DEPDC5: variants seen among roughly 807,000 people sequenced by gnomAD.
The protein encoded by DEPDC5 is GATOR1 complex protein DEPDC5.
Under a neutral mutation model 217.3 loss-of-function variants are expected in DEPDC5, and 73 were observed. The observed-to-expected ratio is 0.34, with a 90% CI of 0.28 to 0.41. The LOEUF (loss-of-function observed/expected upper bound fraction) is 0.41. Ranked by LOEUF, DEPDC5 falls within the 10% of genes least tolerant of loss-of-function variation. DEPDC5 has a pLI of 1.00. For synonymous variants in DEPDC5, 733 were observed against 756.7 expected, an observed-to-expected ratio of 0.97 and a Z score of 0.51; for missense variants, 1,675 against 2,070.1, an observed-to-expected ratio of 0.81 and a Z score of 3.70.
Position 31,806,182 on chromosome 22 carries a change from A to G in DEPDC5, c.1278A>G (p.Ala426=), listed in dbSNP as rs376799291. The change falls in exon 18 of 43, where the codon GCA becomes GCG. Residue 426 remains alanine (A), a synonymous_variant. Coordinates refer to ENST00000651528, the MANE Select transcript of DEPDC5 (RefSeq NM_001242896.3). ...GTTTCACCCCACGAATAAAACTGGC[A>G]GGAAAGAAGGTAGGTTTTTATTTTT... ...CNSFTPRIKL[A]GKKPASEKAK... is the part of the protein sequence containing the mutation. The G allele has an allele frequency of 8.7e-5, 140 of 1,613,854 alleles. No homozygotes were observed. Among genetic ancestry groups the G allele is most frequent in the Non-Finnish European group, 1.2e-4 (137 of 1,179,890 alleles).
At chr22:31,885,330 G>A (rs113533617) in intron 38 of DEPDC5, among the ~76,000 whole-genome samples, 26 of 152,302 alleles carry the variant, frequency 1.7e-4, no homozygotes, top group African/African-American at 6.0e-4. Flanking sequence ...TGAACACGCC[G>A]TGCACATCTC....
intron 14 of DEPDC5, among the ~76,000 whole-genome samples, chr22:31,801,051 C>T (rs910545643): frequency 1.5e-4 from 23 of 150,432 alleles, no homozygotes; most frequent in Non-Finnish European, 2.5e-4. Flanking sequence ...CCAGCACTTT[C>T]GGAGGCTTAG....
chr22:31,807,645 T>G (rs951260493), intron 18 of DEPDC5, among the ~76,000 whole-genome samples: 8 of 152,138 alleles, frequency 5.3e-5, no homozygotes, highest in African/African-American at 1.9e-4. Flanking sequence ...TTGGCCAGGG[T>G]TGTCTCAAAC....
intron 39 of DEPDC5, 60 bp downstream of exon 39, chr22:31,893,811 G>A: frequency 1.4e-6 from 2 of 1,426,714 alleles, no homozygotes; most frequent in Non-Finnish European, 9.2e-7. Flanking sequence ...GCATGGAGAT[G>A]CTTGATAGAG....
chr22:31,814,359 C>T (rs1033957481), intron 20 of DEPDC5: 1 of 152,372 alleles, frequency 6.6e-6, no homozygotes, highest in Non-Finnish European at 1.5e-5. Context: ...TCCCTAAATG[C>T]CCTCTAATAG....
At chr22:31,778,501 A>C (rs1229517090) in intron 8 of DEPDC5, among the ~76,000 whole-genome samples, 2 of 152,168 alleles carry the variant, frequency 1.3e-5, no homozygotes, top group Non-Finnish European at 2.9e-5. Context: ...AAACAAACAA[A>C]AAACACAAAC....
intron 33 of DEPDC5, among the ~76,000 whole-genome samples, chr22:31,864,721 C>T (rs1370065524): frequency 1.3e-5 from 2 of 151,456 alleles, no homozygotes; most frequent in African/African-American, 4.9e-5. Flanking sequence ...TGGAGTCTTG[C>T]TCTGTTGCCC....
chr22:31,828,267 A>G (rs1002479774), intron 24 of DEPDC5, among the ~76,000 whole-genome samples: 1 of 152,124 alleles, frequency 6.6e-6, no homozygotes, highest in African/African-American at 2.4e-5. Context: ...CCTGACCAAC[A>G]TGGAGAAACC....
chr22:31,816,261 T>G (rs2089102846), intron 21 of DEPDC5: 1 of 149,470 alleles, frequency 6.7e-6, no homozygotes, highest in African/African-American at 2.5e-5. Context: ...ATTCCACCAC[T>G]GCACTCCAGC....
chr22:31,852,516 T>C (rs766485127), intron 31 of DEPDC5, among the ~76,000 whole-genome samples: 4 of 152,116 alleles, frequency 2.6e-5, no homozygotes, highest in Non-Finnish European at 5.9e-5. Flanking sequence ...ATTTTGTATC[T>C]TTAGTAGAGA....
intron 41 of DEPDC5, among the ~76,000 whole-genome samples, chr22:31,904,290 C>G (rs964394054): frequency 1.3e-5 from 2 of 152,218 alleles, no homozygotes; most frequent in African/African-American, 4.8e-5. Flanking sequence ...TTGCATTCTC[C>G]CTGAGTGGAC....
At chr22:31,802,040 TTAAAA>T (rs2086914991) in intron 14 of DEPDC5, among the ~76,000 whole-genome samples, 1 of 147,838 alleles carries the variant, frequency 6.8e-6, no homozygotes, top group South Asian at 2.1e-4. Context: ...ATATATAATA[TTAAAA>T]TAATATATAA....
intron 23 of DEPDC5, 54 bp downstream of exon 23, chr22:31,821,691 C>A: frequency 6.3e-7 from 1 of 1,592,930 alleles, no homozygotes; most frequent in South Asian, 1.1e-5. Flanking sequence ...CTCCAGCACC[C>A]AGGACAATGT....
intron 7 of DEPDC5, among the ~76,000 whole-genome samples, chr22:31,773,809 C>T (rs555011585): frequency 5.9e-5 from 9 of 152,300 alleles, no homozygotes; most frequent in South Asian, 2.1e-4. Context: ...TGGTGGCTCA[C>T]GCCTATAATC....
chr22:31,776,073 C>T (rs1370537210), intron 7 of DEPDC5, among the ~76,000 whole-genome samples: 1 of 148,960 alleles, frequency 6.7e-6, no homozygotes, highest in Non-Finnish European at 1.5e-5. Context: ...GAAAGCAGCT[C>T]TGTAAGGCGT....
chr22:31,758,027 G>T (rs2082076742), intron 2 of DEPDC5, among the ~76,000 whole-genome samples: 1 of 152,130 alleles, frequency 6.6e-6, no homozygotes, highest in African/African-American at 2.4e-5. Flanking sequence ...GCCTCTCAAA[G>T]TATTGGGATT....
At chr22:31,786,227 G>A (rs1368684908) in intron 10 of DEPDC5, among the ~76,000 whole-genome samples, 1 of 149,318 alleles carries the variant, frequency 6.7e-6, no homozygotes, top group African/African-American at 2.5e-5. Context: ...CCGTACTCCA[G>A]CCTGGGCAAC....
At chr22:31,889,676 G>A (rs935996441) in intron 38 of DEPDC5, among the ~76,000 whole-genome samples, 2 of 151,608 alleles carry the variant, frequency 1.3e-5, no homozygotes, top group East Asian at 3.9e-4. Context: ...AAGTAGCTGG[G>A]ACTACAGGCA....
In DEPDC5 at chr22:31,846,897, A is replaced by G. The variant is rs537257402; in HGVS notation, c.3085A>G (p.Thr1029Ala). The change falls in exon 31 of 43, where the codon ACT (threonine) becomes GCT (alanine). Residue 1029 changes from threonine (T) to alanine (A), a missense_variant. This residue lies in a region of DEPDC5 where 293 missense variants were observed against 386.1 expected (regional missense o/e 0.76). Transcript: ENST00000651528. ...CATTTCCACGCATTCTCTGGAGTCA[A>G]CTGCACCCCCAGTGGGGAAGAAGGG... is the stretch of plus-strand genomic sequence containing the variant. ...GPISTHSLES[T>A]APPVGKKGTS... 2.2e-5 allele frequency: 35 copies of G among 1,614,232 alleles called. No individual in the cohort carries two copies. The East Asian group carries it at 2.9e-4, about 13-fold the overall frequency.
Sources: gnomAD v4.1 joint callset for allele counts (sites outside exome capture counted in the v4.1 genomes callset) on GRCh38, gnomAD v4.1.1 for gene constraint, gnomAD v4.1.1 regional missense constraint, MANE v1.5 for transcripts, NCBI Gene and HGNC (gene_info 2026-07-23, HGNC 2026-07-21) for gene names.